The following DAAM2 variants were observed in gnomAD, a reference collection of about 807,000 sequenced individuals.
DAAM2 encodes the protein disheveled-associated activator of morphogenesis 2.
In DAAM2, 39 loss-of-function variants were observed where a neutral mutation model predicts 120.7. The observed-to-expected ratio is 0.32, with a 90% CI of 0.25 to 0.42. The LOEUF (loss-of-function observed/expected upper bound fraction) is 0.42. Ranked by LOEUF, DAAM2 falls within the 10% of genes least tolerant of loss-of-function variation. The pLI is 1.00. For missense variants in DAAM2, 1,283 were observed against 1,401.7 expected, an observed-to-expected ratio of 0.92 and a Z score of 1.35; for synonymous variants, 488 against 524.9, an observed-to-expected ratio of 0.93 and a Z score of 0.96.
chr6:39,869,779 T>TA (rs1764581658), intron 7 of DAAM2, among the ~76,000 whole-genome samples: 1 of 114,392 alleles, frequency 8.7e-6, no homozygotes, highest in Non-Finnish European at 1.9e-5. Flanking sequence ...TTTTTTTTTT[T>TA]TAAAAACAAT....
At chr6:39,801,099 G>A (rs1276819033) in intron 1 of DAAM2, among the ~76,000 whole-genome samples, 2 of 152,192 alleles carry the variant, frequency 1.3e-5, no homozygotes, top group African/African-American at 4.8e-5. Context: ...GAAGATGCAT[G>A]TTAAGTCCCT....
Position 39,902,227 on chromosome 6 carries a change from C to A in DAAM2, c.*190C>A. Reference sequence around the variant, plus strand: ...TTACCTTAAGGGGCTCCTCTTATCTCCCCTTCACATGATTCCTTCTGTGCC... The same window carrying A: ...TTACCTTAAGGGGCTCCTCTTATCTACCCTTCACATGATTCCTTCTGTGCC... On this transcript the variant is annotated 3_prime_UTR_variant, in exon 25 of 25. Transcript: ENST00000274867. 1 of 470,586 alleles carries A rather than the reference C, an allele frequency of 2.1e-6. No homozygotes were observed. The highest frequency in any genetic ancestry group is 3.7e-6 in the Non-Finnish European group (1 of 268,812). 29.2% of individuals were successfully genotyped at this position (470,586 alleles called of 1,614,324 possible). A position where few individuals can be genotyped will look rare whatever the true frequency, so the allele number is the denominator to read the frequency against.
intron 1 of DAAM2, among the ~76,000 whole-genome samples, chr6:39,797,279 A>T (rs1761729959): frequency 6.6e-6 from 1 of 152,254 alleles, no homozygotes. Flanking sequence ...TCATTGAGGC[A>T]GTACCTAACA....
intron 21 of DAAM2, among the ~76,000 whole-genome samples, chr6:39,898,107 C>A (rs1235518972): frequency 6.6e-6 from 1 of 152,176 alleles, no homozygotes; most frequent in Non-Finnish European, 1.5e-5. Context: ...AGAAAGAATG[C>A]CAGTAACAAA....
chr6:39,850,132 C>T (rs1456014291), intron 1 of DAAM2, among the ~76,000 whole-genome samples: 1 of 152,212 alleles, frequency 6.6e-6, no homozygotes, highest in African/African-American at 2.4e-5. Context: ...CTCGCATACC[C>T]TTTCCATTTG....
chr6:39,896,205 T>C (rs1766077631), intron 19 of DAAM2, among the ~76,000 whole-genome samples: 1 of 152,010 alleles, frequency 6.6e-6, no homozygotes, highest in South Asian at 2.1e-4. Flanking sequence ...TTTTTTCTTT[T>C]TTCTTTTTTC....
At chr6:39,867,221 A>C (rs560361418) in intron 5 of DAAM2, 66 of 403,102 alleles carry the variant, frequency 1.6e-4, no homozygotes, top group African/African-American at 1.3e-3. Context: ...TTCAGGTTTA[A>C]CAGCTCTGAT....
At chr6:39,819,055 C>T (rs1346079015) in intron 1 of DAAM2, 2 of 152,214 alleles carry the variant, frequency 1.3e-5, no homozygotes, top group Non-Finnish European at 2.9e-5. Flanking sequence ...CAGAATTGTT[C>T]TGGGTTCTTA....
chr6:39,877,310 G>C (rs957683725), intron 11 of DAAM2, among the ~76,000 whole-genome samples: 10 of 152,142 alleles, frequency 6.6e-5, no homozygotes, highest in African/African-American at 2.2e-4. Flanking sequence ...TTCTTCTTTT[G>C]CTCCCAGGGC....
intron 1 of DAAM2, among the ~76,000 whole-genome samples, chr6:39,846,727 C>T (rs72857163): frequency 0.058 from 8,661 of 149,866 alleles, 357 homozygotes; most frequent in Middle Eastern, 0.13. Context: ...GACGGGGTCT[C>T]GCTCTGTTGC....
intron 1 of DAAM2, among the ~76,000 whole-genome samples, chr6:39,814,926 A>C (rs903469883): frequency 2.0e-5 from 3 of 152,222 alleles, no homozygotes; most frequent in Non-Finnish European, 2.9e-5. Context: ...AGAGCCACTC[A>C]GTCATTGATA....
intron 15 of DAAM2, chr6:39,886,020 C>G (rs1005967666): frequency 5.7e-6 from 1 of 175,070 alleles, no homozygotes; most frequent in Non-Finnish European, 1.2e-5. Flanking sequence ...GACTCCTCCT[C>G]TATTTAGAAA....
At chr6:39,858,514 C>A (rs577019906) in intron 2 of DAAM2, among the ~76,000 whole-genome samples, 5 of 152,172 alleles carry the variant, frequency 3.3e-5, no homozygotes, top group African/African-American at 1.2e-4. Context: ...GATATTGGGG[C>A]CCTGGGCAGG....
chr6:39,904,363 GACTCAT>G lies in DAAM2; in HGVS notation c.*2332_*2337del, dbSNP rs1435595637. 2 of 456,540 alleles carry G rather than the reference GACTCAT, an allele frequency of 4.4e-6. No individual in the cohort carries two copies. Among genetic ancestry groups the G allele is most frequent in the Non-Finnish European group, 8.8e-6 (2 of 226,970 alleles). The allele number at this position is 456,540 out of a possible 1,614,324, so 28.3% of individuals were successfully genotyped here. ...ATCTCCAACAGTGCCTTGGACCATG[GACTCAT>G]ACTCAACTGAGTAAGAAGGGGCTGG... On this transcript the variant is annotated 3_prime_UTR_variant, in exon 25 of 25. Coordinates refer to ENST00000274867, the MANE Select transcript of DAAM2 (RefSeq NM_001201427.2).
At chr6:39,814,993 G>C (rs1011092865) in intron 1 of DAAM2, among the ~76,000 whole-genome samples, 1 of 152,212 alleles carries the variant, frequency 6.6e-6, no homozygotes, top group Admixed American at 6.5e-5. Flanking sequence ...TAAATTAGCT[G>C]AATCTCACTG....
intron 3 of DAAM2, among the ~76,000 whole-genome samples, chr6:39,863,753 G>A (rs1046573222): frequency 2.6e-5 from 4 of 152,150 alleles, no homozygotes; most frequent in African/African-American, 9.7e-5. Flanking sequence ...TGTCTCTTGA[G>A]GGCTGAGCAC....
chr6:39,822,652 G>A (rs771125700), intron 1 of DAAM2: 4 of 152,226 alleles, frequency 2.6e-5, no homozygotes, highest in Non-Finnish European at 5.9e-5. Flanking sequence ...AGATTTCAAA[G>A]ATTAAGAAAC....
At chr6:39,825,156 A>C (rs13217435) in intron 1 of DAAM2, among the ~76,000 whole-genome samples, 84,617 of 151,846 alleles carry the variant, frequency 0.56, 27,853 homozygotes, top group Non-Finnish European at 0.72. Flanking sequence ...TTGGGAGGCC[A>C]AGGCAGGAAG....
chr6:39,795,720 G>A (rs1003498708), intron 1 of DAAM2, among the ~76,000 whole-genome samples: 4 of 152,150 alleles, frequency 2.6e-5, no homozygotes, highest in African/African-American at 9.7e-5. Context: ...AGTTTCTAGG[G>A]CTCTGATCAT....
Sources: allele counts gnomAD v4.1 joint callset (sites outside exome capture counted in the v4.1 genomes callset), GRCh38; gene constraint gnomAD v4.1.1; transcripts MANE v1.5; gene names NCBI Gene and HGNC (gene_info 2026-07-23, HGNC 2026-07-21).